The following KCNS3 variants were observed in gnomAD, a reference collection of about 807,000 sequenced individuals.
KCNS3 encodes the protein potassium voltage-gated channel modifier subfamily S member 3.
In KCNS3, 13 loss-of-function variants were observed where a neutral mutation model predicts 31.0. The observed-to-expected ratio is 0.42, with a 90% CI of 0.27 to 0.67. KCNS3 has a LOEUF of 0.67. Among genes scored for constraint, KCNS3 ranks in the 30% least tolerant of loss-of-function variants. The pLI is 0.25. For synonymous variants in KCNS3, 238 were observed against 241.5 expected, an observed-to-expected ratio of 0.99 and a Z score of 0.13; for missense variants, 545 against 622.4, an observed-to-expected ratio of 0.88 and a Z score of 1.32.
At chr2:17,928,669 C>CT (rs35071705) in intron 2 of KCNS3, among the ~76,000 whole-genome samples, 41 of 148,306 alleles carry the variant, frequency 2.8e-4, no homozygotes, top group Admixed American at 1.0e-3. Context: ...TTATTATTTC[C>CT]TTTTTTTTTT....
intron 1 of KCNS3, among the ~76,000 whole-genome samples, chr2:17,903,100 C>T (rs924106011): frequency 1.3e-5 from 2 of 152,100 alleles, no homozygotes; most frequent in African/African-American, 4.8e-5. Context: ...TCTTTTTTCC[C>T]AGTTAATGCA....
intron 1 of KCNS3, among the ~76,000 whole-genome samples, chr2:17,916,058 A>G (rs746668061): frequency 1.3e-5 from 2 of 152,222 alleles, no homozygotes; most frequent in African/African-American, 2.4e-5. Flanking sequence ...AGCCAGTGCA[A>G]TGAACTTTAG....
chr2:17,895,378 T>C (rs1662001620), intron 1 of KCNS3, among the ~76,000 whole-genome samples: 1 of 152,178 alleles, frequency 6.6e-6, no homozygotes, highest in Non-Finnish European at 1.5e-5. Flanking sequence ...TCTAAAATCC[T>C]TTGGAAATTC....
intron 1 of KCNS3, among the ~76,000 whole-genome samples, chr2:17,915,134 G>A (rs13384154): frequency 0.027 from 4,060 of 152,250 alleles, 139 homozygotes; most frequent in African/African-American, 0.079. Context: ...AGCCAGCCTG[G>A]AGGGAAGTAA....
chr2:17,910,449 C>A (rs1252519160), intron 1 of KCNS3, among the ~76,000 whole-genome samples: 3 of 152,152 alleles, frequency 2.0e-5, no homozygotes, highest in Non-Finnish European at 4.4e-5. Flanking sequence ...TCAACACAGA[C>A]CCCCTACTCT....
chr2:17,896,846 A>G (rs532823929), intron 1 of KCNS3, among the ~76,000 whole-genome samples: 1 of 151,750 alleles, frequency 6.6e-6, no homozygotes, highest in Non-Finnish European at 1.5e-5. Flanking sequence ...CTCTGAAGAG[A>G]TCTCTTCCTC....
intron 1 of KCNS3, among the ~76,000 whole-genome samples, chr2:17,902,334 CTGTGTGTGTGTGT>C (rs1662196298): frequency 1.3e-5 from 2 of 149,648 alleles, no homozygotes; most frequent in African/African-American, 2.5e-5. Flanking sequence ...GGTTGGGAGA[CTGTGTGTGTGTGT>C]GTGTGTGTGT....
At chr2:17,911,055 C>T (rs949537723) in intron 1 of KCNS3, among the ~76,000 whole-genome samples, 2 of 152,168 alleles carry the variant, frequency 1.3e-5, no homozygotes, top group Non-Finnish European at 2.9e-5. Context: ...TCATACCTGA[C>T]TCGCTCTTCA....
chr2:17,928,150 T>C (rs73225061), intron 2 of KCNS3, among the ~76,000 whole-genome samples: 3,572 of 152,338 alleles, frequency 0.023, 120 homozygotes, highest in African/African-American at 0.076. Context: ...TTTGTGGACA[T>C]ATGATTGATC....
intron 1 of KCNS3, among the ~76,000 whole-genome samples, chr2:17,886,192 A>G (rs1237509730): frequency 6.6e-6 from 1 of 152,210 alleles, no homozygotes; most frequent in Non-Finnish European, 1.5e-5. Flanking sequence ...TTGGGGCTTC[A>G]ACATGCTTAT....
intron 1 of KCNS3, among the ~76,000 whole-genome samples, chr2:17,902,953 G>C (rs760973501): frequency 4.6e-5 from 7 of 152,144 alleles, no homozygotes; most frequent in Non-Finnish European, 8.8e-5. Context: ...ATGTATATTA[G>C]AACTTATCTA....
chr2:17,922,758 G>T (rs1662746702), intron 2 of KCNS3, among the ~76,000 whole-genome samples: 1 of 150,882 alleles, frequency 6.6e-6, no homozygotes, highest in African/African-American at 2.4e-5. Context: ...TACAATATAT[G>T]ATCTTTTATT....
chr2:17,886,848 TCTC>T (rs138616978), intron 1 of KCNS3, among the ~76,000 whole-genome samples: 8,133 of 152,068 alleles, frequency 0.053, 523 homozygotes, highest in African/African-American at 0.16. Flanking sequence ...CCTCTCATCT[TCTC>T]CTTAAATCAC....
At chr2:17,878,220 A>G (rs944315681), upstream of KCNS3, among the ~76,000 whole-genome samples, 2 of 152,084 alleles carry the variant, frequency 1.3e-5, no homozygotes, top group African/African-American at 4.8e-5. Flanking sequence ...GCAAATTAGC[A>G]AAGTGTCGCT....
In KCNS3 at chr2:17,931,931, T is replaced by C. The variant is rs374189552; in HGVS notation, c.923T>C (p.Val308Ala). The change falls in exon 3 of 3, where the codon GTA (valine) becomes GCA (alanine). Residue 308 changes from valine to alanine, a missense_variant. Transcript: ENST00000304101. This position sits in a 1 kb window ranked among gnomAD's most constrained non-coding sequence, Gnocchi z 5.4. ...FRILKLARHS[V>A]GLRSLGATLR... ...ATTCTAAAGCTTGCCCGGCACTCGG[T>C]AGGACTTCGGTCTCTAGGTGCCACA... The C allele has an allele frequency of 1.2e-5, 20 of 1,614,142 alleles. No individual in the cohort carries two copies. The South Asian group carries it at 2.1e-4, about 17-fold the overall frequency.
At chr2:17,916,382 G>A (rs1215835958) in intron 1 of KCNS3, among the ~76,000 whole-genome samples, 2 of 152,018 alleles carry the variant, frequency 1.3e-5, no homozygotes, top group Non-Finnish European at 2.9e-5. Flanking sequence ...AGGGGAGGAG[G>A]AGGAAAGCAT....
At position 17,932,114 on chromosome 2, in the gene KCNS3, C is replaced by A; in HGVS notation, c.1106C>A (p.Thr369Lys). The A allele has an allele frequency of 6.2e-7, 1 of 1,614,116 alleles. No homozygotes were observed. Among genetic ancestry groups the A allele is most frequent in the Non-Finnish European group, 8.5e-7 (1 of 1,180,024 alleles). ...TGGTGGTGGGCCACCATCAGCATGACAACTGTGGGCTATGGAGACACCCAC... is the reference window on the plus strand; with the variant it reads ...TGGTGGTGGGCCACCATCAGCATGAAAACTGTGGGCTATGGAGACACCCAC... ...ICWWWATISM[T>K]TVGYGDTHPV... Residue 369 changes from threonine (T) to lysine (K), a missense_variant, in exon 3 of 3, where the codon ACA (threonine) becomes AAA (lysine). Transcript: ENST00000304101.
chr2:17,887,218 T>C (rs1032728193), intron 1 of KCNS3, among the ~76,000 whole-genome samples: 1 of 152,140 alleles, frequency 6.6e-6, no homozygotes, highest in African/African-American at 2.4e-5. Flanking sequence ...ACATATCACC[T>C]GAACAGTATA....
intron 1 of KCNS3, among the ~76,000 whole-genome samples, chr2:17,900,878 A>G (rs1662158122): frequency 6.6e-6 from 1 of 152,248 alleles, no homozygotes; most frequent in South Asian, 2.1e-4. Flanking sequence ...AATAACAATT[A>G]TAATAGCTAA....
Sources: allele counts gnomAD v4.1 joint callset (sites outside exome capture counted in the v4.1 genomes callset), GRCh38; gene constraint gnomAD v4.1.1; non-coding constraint Gnocchi (gnomAD v3.1); transcripts MANE v1.5; gene names NCBI Gene and HGNC (gene_info 2026-07-23, HGNC 2026-07-21).